The following GPD1 variants were observed in gnomAD, a reference collection of about 807,000 sequenced individuals.
GPD1 encodes the protein glycerol-3-phosphate dehydrogenase [NAD(+)], cytoplasmic.
A neutral mutation model predicts 34.4 loss-of-function variants in GPD1; 19 were observed. The observed-to-expected ratio is 0.55, with a 90% CI of 0.39 to 0.81. The LOEUF (loss-of-function observed/expected upper bound fraction) is 0.81. Among genes scored for constraint, GPD1 ranks in the 30% least tolerant of loss-of-function variants. The pLI, the probability that GPD1 is intolerant of heterozygous loss-of-function variation, is 0.00. For synonymous variants in GPD1, 172 were observed against 174.1 expected (o/e 0.99, Z 0.09); for missense variants, 429 against 447.0 (o/e 0.96, Z 0.36).
In GPD1 at chr12:50,106,353, C is replaced by A. The variant is rs1365455663; in HGVS notation, c.426C>A (p.Ile142=). Residue 142 remains isoleucine, a synonymous_variant, in exon 4 of 8, where the codon ATC becomes ATA. Transcript: ENST00000301149. ...ISEVIGERLG[I]PMSVLMGANI... ...AAGTGATTGGGGAGCGCCTCGGCAT[C>A]CCCATGAGTGTGCTGATGGGGGCCA... The A allele has an allele frequency of 6.2e-7, 1 of 1,613,388 alleles. No individual in the cohort carries two copies. Among genetic ancestry groups the A allele is most frequent in the African/African-American group, 1.3e-5 (1 of 74,834 alleles).
Position 50,109,461 on chromosome 12 carries a change from A to T in GPD1, c.992A>T (p.Glu331Val). The change falls in exon 8 of 8, where the codon GAG (glutamate) becomes GTG (valine). Residue 331 changes from glutamate to valine, a missense_variant. Physicochemically the swap from Glu to Val is moderately radical, Grantham distance 121. Transcript: ENST00000301149. ...ATGGCTGTGTACAAGGTGTGCTACG[A>T]GGGCCAGCCAGTGGGTGAATTCATC... ...LFMAVYKVCY[E>V]GQPVGEFIHC... 6.3e-7 allele frequency: 1 copy of T among 1,592,702 alleles called. No homozygotes were observed.
chr12:50,107,175 C>T, intron 5 of GPD1: 3 of 668,220 alleles, frequency 4.5e-6, no homozygotes, highest in Non-Finnish European at 8.2e-6. Context: ...CACCCTCTGG[C>T]TCCAGGAGGT....
rs1276941816 is a variant in GPD1, at chr12:50,104,679, G to T, written c.147G>T (p.Lys49Asn). 1.2e-6 allele frequency: 2 copies of T among 1,614,160 alleles called. No individual in the cohort carries two copies. The highest frequency in any genetic ancestry group is 1.7e-5 in the Admixed American group (1 of 60,024). The change falls in exon 2 of 8, where the codon AAG becomes AAT. Residue 49 changes from lysine (K) to asparagine (N), a missense_variant. Lys to Asn is a moderately conservative substitution (Grantham distance 94). Coordinates refer to ENST00000301149, the MANE Select transcript of GPD1 (RefSeq NM_005276.4). ...WVFEEDIGGK[K>N]LTEIINTQHE... ...TTGAGGAAGACATTGGAGGCAAAAA[G>T]CTGACTGAGATCATCAACACGCAGC...
At chr12:50,109,343 G>C (rs1045530155) in intron 7 of GPD1, 80 bp from the exon 8 acceptor site, 5 of 783,010 alleles carry the variant, frequency 6.4e-6, no homozygotes, top group Admixed American at 3.5e-5. Context: ...AGGGACAGGA[G>C]GGTTAGGCAG....
rs1273044870 is a variant in GPD1 at position 50,107,292 on chromosome 12, AG to A, written c.613-272del. ...TGGATCCTGGACAGCTGTTGACTTG[AG>A]GGCTGTACAATGGAATGGTCATAGA... On this transcript the variant is annotated intron_variant, in intron 5 of 7. Transcript: ENST00000301149. 7 of 660,278 alleles carry A rather than the reference AG, an allele frequency of 1.1e-5. No homozygotes were observed. The Admixed American group carries it at 1.4e-4, about 14-fold the overall frequency. 40.9% of individuals were successfully genotyped at this position (660,278 alleles called of 1,614,324 possible).
chr12:50,104,800 G>T (rs761984449), intron 2 of GPD1, 49 bp downstream of exon 2: 15 of 1,530,752 alleles, frequency 9.8e-6, no homozygotes, highest in Non-Finnish European at 1.2e-5. Context: ...GGAGGGCCAG[G>T]AGTTGGAGCC....
chr12:50,105,768 C>T (rs1425122040), intron 3 of GPD1, 80 bp downstream of exon 3: 2 of 1,374,498 alleles, frequency 1.5e-6, no homozygotes, highest in Non-Finnish European at 2.1e-6. Context: ...GCAAGGAGAA[C>T]AGAAAATGGC....
Position 50,109,490 on chromosome 12 carries a change from T to C in GPD1, c.1021T>C (p.Cys341Arg). The change falls in exon 8 of 8, where the codon TGC becomes CGC. Residue 341 changes from cysteine (C) to arginine (R), a missense_variant. Coordinates refer to ENST00000301149, the MANE Select transcript of GPD1 (RefSeq NM_005276.4). ...EGQPVGEFIH[C>R]LQNHPEHM ...CCAGCCAGTGGGTGAATTCATCCAC[T>C]GCCTGCAGAATCATCCAGAACATAT... 6.3e-7 allele frequency: 1 copy of C among 1,575,740 alleles called. No homozygotes were observed. Among genetic ancestry groups the C allele is most frequent in the Non-Finnish European group, 8.7e-7 (1 of 1,144,680 alleles).
rs141014044 is a variant in GPD1 at position 50,107,614 on chromosome 12, C to A, written c.660C>A (p.Gly220=). Residue 220 remains glycine (G), a synonymous_variant, in exon 6 of 8, where the codon GGC becomes GGA. Coordinates refer to ENST00000301149, the MANE Select transcript of GPD1 (RefSeq NM_005276.4). ...GAGFCDGLGF[G]DNTKAAVIRL... is the part of the protein sequence containing the mutation. ...GCTTCTGTGATGGCCTGGGCTTTGGCGACAACACCAAGGCGGCAGTGATCC... is the reference window on the plus strand; with the variant it reads ...GCTTCTGTGATGGCCTGGGCTTTGGAGACAACACCAAGGCGGCAGTGATCC... The A allele has an allele frequency of 6.2e-7, 1 of 1,614,080 alleles. No homozygotes were observed. Among genetic ancestry groups the A allele is most frequent in the Non-Finnish European group, 8.5e-7 (1 of 1,180,002 alleles).
chr12:50,106,181 C>T (rs761304139), intron 3 of GPD1, 107 bp from the exon 4 acceptor site: 35 of 1,035,200 alleles, frequency 3.4e-5, no homozygotes, highest in South Asian at 5.0e-5. Context: ...CAGGACCTGT[C>T]GGGAGGGACA....
chr12:50,111,014 C>G lies in GPD1; in HGVS notation c.*1495C>G, dbSNP rs1951018784. ...CATTATGCTAAAACCCTGTTACTCTCCAATGAACCAGGGAGGCGGGCTCCT... is the reference window on the plus strand; with the variant it reads ...CATTATGCTAAAACCCTGTTACTCTGCAATGAACCAGGGAGGCGGGCTCCT... On this transcript the variant is annotated 3_prime_UTR_variant, in exon 8 of 8. Transcript: ENST00000301149. This position sits in a 1 kb window ranked among gnomAD's most constrained non-coding sequence, Gnocchi z 4.1. 6.6e-6 allele frequency: 1 copy of G among 152,622 alleles called. No individual in the cohort carries two copies. Among genetic ancestry groups the G allele is most frequent in the African/African-American group, 2.4e-5 (1 of 41,438 alleles). 9.5% of individuals were successfully genotyped at this position (152,622 alleles called of 1,614,324 possible).
In GPD1 at chr12:50,109,445, T is replaced by C. The variant is rs1951006941; in HGVS notation, c.976T>C (p.Tyr326His). ...TAGGTTTCCCTTGTTCATGGCTGTG[T>C]ACAAGGTGTGCTACGAGGGCCAGCC... ...VDKFPLFMAV[Y>H]KVCYEGQPVG... The change falls in exon 8 of 8, where the codon TAC becomes CAC. Residue 326 changes from tyrosine (Y) to histidine (H), a missense_variant. Transcript: ENST00000301149. 2 of 1,573,388 alleles carry C rather than the reference T, an allele frequency of 1.3e-6. No homozygotes were observed. The highest frequency in any genetic ancestry group is 1.8e-6 in the Non-Finnish European group (2 of 1,142,726).
intron 6 of GPD1, 57 bp downstream of exon 6, chr12:50,107,857 G>A: frequency 7.8e-7 from 1 of 1,278,576 alleles, no homozygotes. Flanking sequence ...CCAGGTAGAG[G>A]TGCTTGGCGG....
intron 3 of GPD1, 81 bp from the exon 4 acceptor site, chr12:50,106,207 T>C (rs1319182136): frequency 1.6e-6 from 2 of 1,279,052 alleles, no homozygotes; most frequent in Non-Finnish European, 2.1e-6. Context: ...GAGCAATGGA[T>C]TTGGAAGGGA....
rs1223124084 is a variant in GPD1, at chr12:50,110,242, C to T, written c.*723C>T. ...CATTCTCCCCAGGGACTTCCCGGTT[C>T]CTAGTTCTTTGCCAGCTCCTCCCCA... On this transcript the variant is annotated 3_prime_UTR_variant, in exon 8 of 8. Transcript: ENST00000301149. The T allele has an allele frequency of 3.3e-5, 5 of 152,706 alleles. No individual in the cohort carries two copies. Among genetic ancestry groups the T allele is most frequent in the South Asian group, 2.1e-4 (1 of 4,830 alleles). The allele number at this position is 152,706 out of a possible 1,614,324, so 9.5% of individuals were successfully genotyped here. A position where few individuals can be genotyped will look rare whatever the true frequency, so the allele number is the denominator to read the frequency against.
chr12:50,106,156 T>C, intron 3 of GPD1, 132 bp from the exon 4 acceptor site: 3 of 773,752 alleles, frequency 3.9e-6, no homozygotes, highest in Non-Finnish European at 6.2e-6. Flanking sequence ...AAACTTGAGC[T>C]GGGTTGGAAT....
intron 7 of GPD1, among the ~76,000 whole-genome samples, chr12:50,109,050 G>A (rs1383147149): frequency 1.3e-5 from 2 of 149,878 alleles, no homozygotes; most frequent in Non-Finnish European, 3.0e-5. Context: ...CAGGAGAATC[G>A]CTTGAACCTG....
chr12:50,109,376 G>A lies in GPD1; in HGVS notation c.954-47G>A, dbSNP rs2232209. On this transcript the variant is annotated intron_variant, in intron 7 of 7. Coordinates refer to ENST00000301149, the MANE Select transcript of GPD1 (RefSeq NM_005276.4). ...CAGTGAGTGGGGGTGGGGGTAGAGTGGACCAGGAGTGGGAGGCTAAGCTGA... is the reference window on the plus strand; with the variant it reads ...CAGTGAGTGGGGGTGGGGGTAGAGTAGACCAGGAGTGGGAGGCTAAGCTGA... 3.8e-3 allele frequency: 3,563 copies of A among 948,336 alleles called. 102 individuals are homozygous for A. The African/African-American group carries it at 0.05, about 13-fold the overall frequency. 58.7% of individuals were successfully genotyped at this position (948,336 alleles called of 1,614,324 possible).
chr12:50,106,667 G>A (rs771270045), intron 4 of GPD1, 138 bp from the exon 5 acceptor site: 19 of 659,624 alleles, frequency 2.9e-5, no homozygotes, highest in Admixed American at 8.8e-5. Flanking sequence ...AGCTACTTAA[G>A]AGGCTGAGGT....
Sources: gnomAD v4.1 joint callset for allele counts (sites outside exome capture counted in the v4.1 genomes callset) on GRCh38, gnomAD v4.1.1 for gene constraint, Gnocchi (gnomAD v3.1) non-coding constraint, MANE v1.5 for transcripts, NCBI Gene and HGNC (gene_info 2026-07-23, HGNC 2026-07-21) for gene names.